Variants in GNS observed in about 807,000 individuals in gnomAD.
The protein encoded by GNS is glucosamine (N-acetyl)-6-sulfatase, also known as N-acetylglucosamine-6-sulfatase.
Under a neutral mutation model 69.7 loss-of-function variants are expected in GNS, and 40 were observed. The ratio of observed to expected loss-of-function variants is 0.57; its 90% CI spans 0.45 to 0.75. The LOEUF (loss-of-function observed/expected upper bound fraction) is 0.75. Ranked by LOEUF, GNS falls within the 30% of genes least tolerant of loss-of-function variation. The pLI, the probability that GNS is intolerant of heterozygous loss-of-function variation, is 0.00. For missense variants in GNS, 565 were observed against 685.5 expected (o/e 0.82, Z 1.96); for synonymous variants, 243 against 251.6 (o/e 0.97, Z 0.32).
chr12:64,727,505 T>C (rs1400271298), intron 10 of GNS, among the ~76,000 whole-genome samples: 2 of 152,090 alleles, frequency 1.3e-5, no homozygotes, highest in Non-Finnish European at 2.9e-5. Flanking sequence ...CCCAAATATC[T>C]GATGAATGGA....
intron 6 of GNS, 89 bp from the exon 7 acceptor site, chr12:64,740,777 G>A (rs1232375630): frequency 3.5e-5 from 26 of 741,188 alleles, no homozygotes; most frequent in Non-Finnish European, 5.6e-5. Context: ...AAATAGAACC[G>A]TTTCACTCAT....
In GNS at chr12:64,743,731, T is replaced by C. The variant is rs145111107; in HGVS notation, c.625-423A>G. ...AAGTTACCTTAACCTTATGAAAATATGTAGAAAGTAGATGTCATAAATTAT... is the reference window on the plus strand; with the variant it reads ...AAGTTACCTTAACCTTATGAAAATACGTAGAAAGTAGATGTCATAAATTAT... On this transcript the variant is annotated intron_variant, in intron 5 of 13. Coordinates refer to ENST00000258145, the MANE Select transcript of GNS (RefSeq NM_002076.4). 3.7e-3 allele frequency among the ~76,000 whole-genome samples: 566 copies of C among 152,330 alleles called. 7 individuals are homozygous for C. Among genetic ancestry groups the C allele is most frequent in the African/African-American group, 0.013 (522 of 41,586 alleles).
At chr12:64,730,198 G>A (rs1028400626) in intron 9 of GNS, among the ~76,000 whole-genome samples, 6 of 152,112 alleles carry the variant, frequency 3.9e-5, no homozygotes, top group African/African-American at 1.2e-4. Context: ...CCTCATCACA[G>A]TCCTTGGACA....
chr12:64,718,859 A>T (rs1210756236), intron 13 of GNS, among the ~76,000 whole-genome samples: 2 of 152,248 alleles, frequency 1.3e-5, no homozygotes, highest in African/African-American at 4.8e-5. Context: ...AAGTCAGCAC[A>T]TGTAAACTGG....
At chr12:64,717,954 T>A (rs1342556019) in intron 13 of GNS, among the ~76,000 whole-genome samples, 1 of 152,162 alleles carries the variant, frequency 6.6e-6, no homozygotes, top group East Asian at 1.9e-4. Context: ...GACCAAGATT[T>A]TTTGTAAAGG....
At chr12:64,724,500 A>G (rs532175814) in intron 10 of GNS, among the ~76,000 whole-genome samples, 13 of 152,320 alleles carry the variant, frequency 8.5e-5, no homozygotes, top group African/African-American at 2.2e-4. Context: ...GTTGTTCTAC[A>G]ATGAAACTTG....
At chr12:64,734,100 C>T (rs1224406557) in intron 9 of GNS, among the ~76,000 whole-genome samples, 1 of 152,210 alleles carries the variant, frequency 6.6e-6, no homozygotes, top group Non-Finnish European at 1.5e-5. Context: ...CATCACCCAT[C>T]GTCTCCGACA....
At chr12:64,727,985 G>A (rs759062897) in intron 10 of GNS, among the ~76,000 whole-genome samples, 7 of 152,160 alleles carry the variant, frequency 4.6e-5, no homozygotes, top group Non-Finnish European at 8.8e-5. Flanking sequence ...GTGCAATGGC[G>A]CAATTTCGGC....
At chr12:64,751,370 A>G (rs1592508881) in intron 2 of GNS, among the ~76,000 whole-genome samples, 3 of 152,350 alleles carry the variant, frequency 2.0e-5, no homozygotes, top group Admixed American at 2.0e-4. Flanking sequence ...TAGAAAATCC[A>G]AACAAGCAGA....
At chr12:64,755,131 C>T (rs955616480) in intron 1 of GNS, among the ~76,000 whole-genome samples, 4 of 152,076 alleles carry the variant, frequency 2.6e-5, no homozygotes, top group African/African-American at 9.7e-5. Flanking sequence ...CAACTTCATG[C>T]CTTCATGTGG....
In GNS at chr12:64,713,501, C is replaced by T. The variant is rs1335813575; in HGVS notation, c.*3240G>A. On this transcript the variant is annotated 3_prime_UTR_variant, in exon 14 of 14. Coordinates refer to ENST00000258145, the MANE Select transcript of GNS (RefSeq NM_002076.4). ...GAAAAGTGCAGCAGTGAACAGGGTC[C>T]TTTTGAAGGGCACTTTCTAAGTCAA... 1 of 152,572 alleles carries T rather than the reference C, an allele frequency of 6.6e-6. No homozygotes were observed. Among genetic ancestry groups the T allele is most frequent in the African/African-American group, 2.4e-5 (1 of 41,428 alleles). 9.5% of individuals were successfully genotyped at this position (152,572 alleles called of 1,614,324 possible). A position where few individuals can be genotyped will look rare whatever the true frequency, so the allele number is the denominator to read the frequency against.
chr12:64,729,693 AT>A (rs1480353451), intron 9 of GNS, among the ~76,000 whole-genome samples: 3 of 152,120 alleles, frequency 2.0e-5, no homozygotes, highest in African/African-American at 7.2e-5. Context: ...ACTTTGACTT[AT>A]TTCCTTGGTT....
intron 12 of GNS, 60 bp downstream of exon 12, chr12:64,721,535 C>T (rs1226498818): frequency 1.4e-5 from 12 of 842,662 alleles, no homozygotes; most frequent in Admixed American, 3.4e-5. Context: ...CCACCAAGTC[C>T]AGCCAACAAA....
chr12:64,738,169 C>T (rs1034794218), intron 8 of GNS, among the ~76,000 whole-genome samples: 1 of 152,138 alleles, frequency 6.6e-6, no homozygotes, highest in Non-Finnish European at 1.5e-5. Context: ...GCCACCACAC[C>T]TGGCTAATTT....
chr12:64,759,279 CG>C lies in GNS; in HGVS notation c.-4del. 1.3e-6 allele frequency: 2 copies of C among 1,512,338 alleles called. No homozygotes were observed. The highest frequency in any genetic ancestry group is 1.8e-6 in the Non-Finnish European group (2 of 1,129,934). The allele number at this position is 1,512,338 out of a possible 1,614,324, so 93.7% of individuals were successfully genotyped here. A position where few individuals can be genotyped will look rare whatever the true frequency, so the allele number is the denominator to read the frequency against. Reference sequence around the variant, plus strand: ...GGGGCTAGAGGCAGGAGCCGCATAGCGGACAGGCTCCGGGGTGACCCCGGGA... The same window carrying C: ...GGGGCTAGAGGCAGGAGCCGCATAGCGACAGGCTCCGGGGTGACCCCGGGA... On this transcript the variant is annotated 5_prime_UTR_variant, in exon 1 of 14. Transcript: ENST00000258145.
intron 9 of GNS, 82 bp downstream of exon 9, chr12:64,736,922 C>T (rs1869573184): frequency 1.3e-6 from 1 of 794,892 alleles, no homozygotes; most frequent in African/African-American, 1.7e-5. Context: ...AGGAACCTAA[C>T]CAATCTTATC....
In GNS at chr12:64,743,062, G is replaced by A. The variant is rs181484196; in HGVS notation, c.792+79C>T. On this transcript the variant is annotated intron_variant, in intron 6 of 13. Transcript: ENST00000258145. ...ATTGTGAAGAAAAACCCACTACATG[G>A]CTCAAAGGCTTCCTGACAAGTATAC... 207 of 1,093,218 alleles carry A rather than the reference G, an allele frequency of 1.9e-4. No homozygotes were observed. The Middle Eastern group carries it at 2.2e-3, about 12-fold the overall frequency. 67.7% of individuals were successfully genotyped at this position (1,093,218 alleles called of 1,614,324 possible).
intron 9 of GNS, 187 bp from the exon 10 acceptor site, chr12:64,729,244 G>A: frequency 1.7e-6 from 1 of 604,180 alleles, no homozygotes; most frequent in Non-Finnish European, 3.0e-6. Context: ...AAAATATAAA[G>A]GCTTATAAGG....
chr12:64,718,173 G>C (rs1392183209), intron 13 of GNS, among the ~76,000 whole-genome samples: 2 of 152,118 alleles, frequency 1.3e-5, no homozygotes, highest in African/African-American at 4.8e-5. Context: ...TGATAGGAAA[G>C]GAATAATCAG....
Sources: gnomAD v4.1 joint callset for allele counts (sites outside exome capture counted in the v4.1 genomes callset) on GRCh38, gnomAD v4.1.1 for gene constraint, MANE v1.5 for transcripts, NCBI Gene and HGNC (gene_info 2026-07-23, HGNC 2026-07-21) for gene names.